ZEB1: variants seen among roughly 807,000 people sequenced by gnomAD.
ZEB1 encodes zinc finger E-box-binding homeobox 1.
ZEB1 carries 21 observed loss-of-function variants against 84.9 expected under a neutral mutation model. That is an observed-to-expected ratio of 0.25 (90% CI 0.18 to 0.36). The LOEUF (loss-of-function observed/expected upper bound fraction) is 0.36. Among genes scored for constraint, ZEB1 ranks in the 10% least tolerant of loss-of-function variants. The pLI is 1.00. For synonymous variants in ZEB1, 420 were observed against 471.1 expected (o/e 0.89, Z 1.41); for missense variants, 1,104 against 1,330.2 (o/e 0.83, Z 2.65).
rs1389414121 is a variant in ZEB1 at position 31,520,701 on chromosome 10, G to A, written c.1369G>A (p.Val457Ile). 6 of 1,613,916 alleles carry A rather than the reference G, an allele frequency of 3.7e-6. No individual in the cohort carries two copies. In the African/African-American group the frequency reaches 5.3e-5, roughly 14 times the overall value. ...ASPIQQGGHS[V>I]ISAISLPLVD... Reference sequence around the variant, plus strand: ...ACCCATACAACAAGGTGGCCATTCTGTTATTTCAGCCATCAGTCTTCCTTT... The same window carrying A: ...ACCCATACAACAAGGTGGCCATTCTATTATTTCAGCCATCAGTCTTCCTTT... The change falls in exon 7 of 9, where the codon GTT becomes ATT. Residue 457 changes from valine (V) to isoleucine (I), a missense_variant. By Grantham distance (29) the Val-to-Ile change is conservative. This residue lies in a region of ZEB1 where 531 missense variants were observed against 575.2 expected (regional missense o/e 0.92). Coordinates refer to ENST00000424869, the MANE Select transcript of ZEB1 (RefSeq NM_001174096.2). The surrounding 1 kb of genome is among the most constrained non-coding windows in gnomAD (Gnocchi z 5.1).
intron 1 of ZEB1, among the ~76,000 whole-genome samples, chr10:31,376,667 A>AT (rs1208802085): frequency 6.6e-6 from 1 of 151,760 alleles, no homozygotes; most frequent in African/African-American, 2.4e-5. Flanking sequence ...GGAAACCTGC[A>AT]TAACTCTACT....
intron 1 of ZEB1, among the ~76,000 whole-genome samples, chr10:31,397,862 C>CTAACATG (rs1345910420): frequency 6.6e-6 from 1 of 151,856 alleles, no homozygotes; most frequent in East Asian, 1.9e-4. Flanking sequence ...TTAAGTTCTC[C>CTAACATG]TAGATGCATG....
intron 1 of ZEB1, among the ~76,000 whole-genome samples, chr10:31,413,343 T>C (rs1392209629): frequency 6.6e-6 from 1 of 152,124 alleles, no homozygotes. Context: ...TAGCAAAAAA[T>C]GCATTTTTTT....
intron 1 of ZEB1, among the ~76,000 whole-genome samples, chr10:31,420,385 C>G (rs2055955072): frequency 6.6e-6 from 1 of 152,140 alleles, no homozygotes; most frequent in Non-Finnish European, 1.5e-5. Context: ...CTTCCAAGAT[C>G]ATTCAGGTTC....
Position 31,520,788 on chromosome 10 carries a change from C to T in ZEB1, c.1456C>T (p.Leu486Phe). Residue 486 changes from leucine to phenylalanine, a missense_variant, in exon 7 of 9, where the codon CTT (leucine) becomes TTT (phenylalanine). Leu to Phe is a conservative substitution (Grantham distance 22). This residue lies in a region of ZEB1 where 531 missense variants were observed against 575.2 expected (regional missense o/e 0.92). Transcript: ENST00000424869. The surrounding 1 kb of genome is among the most constrained non-coding windows in gnomAD (Gnocchi z 5.1). Reference sequence around the variant, plus strand: ...CTACAGTCTTGAGCAGCCTAGCCAACTTCAAGTTGTTCCTCAAAATTTAAA... The same window carrying T: ...CTACAGTCTTGAGCAGCCTAGCCAATTTCAAGTTGTTCCTCAAAATTTAAA... The part of the protein sequence containing the change: ...INYSLEQPSQ[L>F]QVVPQNLKKE... The T allele has an allele frequency of 6.2e-7, 1 of 1,613,986 alleles. No individual in the cohort carries two copies. The highest frequency in any genetic ancestry group is 1.1e-5 in the South Asian group (1 of 91,076).
chr10:31,521,718 C>T lies in ZEB1; in HGVS notation c.2386C>T (p.Pro796Ser). ...AGAACCAGTTGTAAATGTAATCCCA[C>T]CAAGTGCCAACCCCATAAATATCGC... ...DSEPVVNVIP[P>S]SANPINIAIP... is the part of the protein sequence containing the mutation. The change falls in exon 7 of 9, where the codon CCA becomes TCA. Residue 796 changes from proline to serine, a missense_variant. Physicochemically the swap from Pro to Ser is moderately conservative, Grantham distance 74. Around this residue, in one of 7 missense-constraint regions of ZEB1, gnomAD observed 531 missense variants for 575.2 expected, o/e 0.92. Transcript: ENST00000424869. 1 of 1,614,148 alleles carries T rather than the reference C, an allele frequency of 6.2e-7. No individual in the cohort carries two copies. Among genetic ancestry groups the T allele is most frequent in the Non-Finnish European group, 8.5e-7 (1 of 1,180,004 alleles).
intron 1 of ZEB1, chr10:31,363,107 G>A: frequency 6.5e-7 from 1 of 1,533,964 alleles, no homozygotes; most frequent in East Asian, 2.4e-5. Flanking sequence ...GCAGCTCTGG[G>A]TGGAGAAGAC....
At position 31,461,099 on chromosome 10, in the gene ZEB1, A is replaced by G; in HGVS notation, c.121A>G (p.Ile41Val). ...TTCAGATGATGAAGACAAACTGCAT[A>G]TTGTGGAAGAAGAAAGTGTTACAGA... Reference protein sequence around the residue: ...SDSDDEDKLHIVEEESVTDAA... With the variant: ...SDSDDEDKLHVVEEESVTDAA... The change falls in exon 2 of 9, where the codon ATT becomes GTT. Residue 41 changes from isoleucine (I) to valine (V), a missense_variant. By Grantham distance (29) the Ile-to-Val change is conservative (BLOSUM62 3). Around this residue, in one of 7 missense-constraint regions of ZEB1, gnomAD observed 162 missense variants for 184.5 expected, o/e 0.88. Transcript: ENST00000424869. 6.2e-6 allele frequency: 10 copies of G among 1,613,526 alleles called. No homozygotes were observed. Among genetic ancestry groups the G allele is most frequent in the Non-Finnish European group, 8.5e-6 (10 of 1,179,670 alleles).
chr10:31,390,781 T>C (rs1443080481), intron 1 of ZEB1, among the ~76,000 whole-genome samples: 1 of 152,220 alleles, frequency 6.6e-6, no homozygotes, highest in Non-Finnish European at 1.5e-5. Flanking sequence ...TTCTTAGCTC[T>C]GGTGTTGACC....
At chr10:31,402,547 A>G (rs189489853) in intron 1 of ZEB1, among the ~76,000 whole-genome samples, 202 of 152,168 alleles carry the variant, frequency 1.3e-3, no homozygotes, top group African/African-American at 4.7e-3. Flanking sequence ...ACAATAGTAT[A>G]CTTCTCTGGC....
rs538331533 is a variant in ZEB1, at chr10:31,334,233, C to G, written c.58+14941C>G. Among the ~76,000 whole-genome samples, 3 of 152,186 alleles carry G rather than the reference C, an allele frequency of 2.0e-5. 1 individual carries two copies. The South Asian group carries it at 6.2e-4, about 32-fold the overall frequency. On this transcript the variant is annotated intron_variant, in intron 1 of 8. Transcript: ENST00000424869. ...TTCCACAACTAAAGTAGAGGAGGAA[C>G]ACTTAGAAAAACTGATCACATTCTG...
At chr10:31,375,669 G>T (rs747492321) in intron 1 of ZEB1, among the ~76,000 whole-genome samples, 4 of 151,676 alleles carry the variant, frequency 2.6e-5, no homozygotes, top group Admixed American at 1.3e-4. Flanking sequence ...GGAGTGTAAT[G>T]GCTTTTGTTT....
intron 1 of ZEB1, among the ~76,000 whole-genome samples, chr10:31,327,973 C>T (rs78882741): frequency 0.016 from 2,438 of 152,140 alleles, 55 homozygotes; most frequent in African/African-American, 0.056. Context: ...CCTATTCATA[C>T]CCTTTACCCC....
At chr10:31,497,924 A>AATAG (rs145458133) in intron 3 of ZEB1, among the ~76,000 whole-genome samples, 43,655 of 145,240 alleles carry the variant, frequency 0.3, 6,486 homozygotes, top group Non-Finnish European at 0.32. Flanking sequence ...AGGATGGAAA[A>AATAG]ATAGATAGAT....
intron 1 of ZEB1, among the ~76,000 whole-genome samples, chr10:31,419,938 C>G (rs533317289): frequency 6.6e-6 from 1 of 152,234 alleles, no homozygotes; most frequent in East Asian, 1.9e-4. Context: ...AGTAGTATGT[C>G]TGGAATTAGC....
chr10:31,419,878 G>A (rs2055850632), intron 1 of ZEB1, among the ~76,000 whole-genome samples: 2 of 152,078 alleles, frequency 1.3e-5, no homozygotes, highest in Non-Finnish European at 2.9e-5. Flanking sequence ...TTGTAGTCTG[G>A]GTAACCAGAG....
Position 31,417,799 on chromosome 10 carries a change from TA to T in ZEB1, c.59-43227del, listed in dbSNP as rs200237778. ...GGGTTTCATAAAGTGCTTGATTCAG[TA>T]AAAAAAAAAATTGAACATCTACTAT... On this transcript the variant is annotated intron_variant, in intron 1 of 8. Transcript: ENST00000424869. 3.3e-4 allele frequency among the ~76,000 whole-genome samples: 48 copies of T among 147,534 alleles called. No individual in the cohort carries two copies. In the East Asian group the frequency reaches 6.3e-3, roughly 19 times the overall value.
intron 1 of ZEB1, among the ~76,000 whole-genome samples, chr10:31,339,915 T>C (rs2039013454): frequency 6.6e-6 from 1 of 152,150 alleles, no homozygotes; most frequent in Non-Finnish European, 1.5e-5. Flanking sequence ...TTCATTTCTC[T>C]ACTAGGGAGA....
chr10:31,458,312 CGTGTGT>C (rs775810348), intron 1 of ZEB1, among the ~76,000 whole-genome samples: 11 of 123,116 alleles, frequency 8.9e-5, no homozygotes, highest in Non-Finnish European at 1.1e-4. Context: ...ATCTCCATTC[CGTGTGT>C]GTGTGTGTGT....
Sources: gnomAD v4.1 joint callset for allele counts (sites outside exome capture counted in the v4.1 genomes callset) on GRCh38, gnomAD v4.1.1 for gene constraint, gnomAD v4.1.1 regional missense constraint, Gnocchi (gnomAD v3.1) non-coding constraint, MANE v1.5 for transcripts, NCBI Gene and HGNC (gene_info 2026-07-23, HGNC 2026-07-21) for gene names.